The following WWOX variants were observed in gnomAD, a reference collection of about 807,000 sequenced individuals.
The protein encoded by WWOX is WW domain containing oxidoreductase, also known as WW domain-containing oxidoreductase.
A neutral mutation model predicts 46.2 loss-of-function variants in WWOX; 69 were observed. The observed-to-expected ratio is 1.49, with a 90% CI of 1.23 to 1.82. The LOEUF (loss-of-function observed/expected upper bound fraction) is 1.82. Ranked by LOEUF, WWOX falls within the 40% of genes most tolerant of loss-of-function variation. The probability of loss-of-function intolerance (pLI) is 0.00; values close to 1 mark genes in which losing one functional copy is unlikely to be tolerated. For missense variants in WWOX, 919 were observed against 542.6 expected, an observed-to-expected ratio of 1.69 and a Z score of -6.89; for synonymous variants, 359 against 202.6, an observed-to-expected ratio of 1.77 and a Z score of -6.56.
At chr16:78,926,440 A>G (rs1434722340) in intron 8 of WWOX, among the ~76,000 whole-genome samples, 1 of 151,930 alleles carries the variant, frequency 6.6e-6, no homozygotes, top group Non-Finnish European at 1.5e-5. Context: ...ACTGTCTATA[A>G]TTTCTCTTGG....
chr16:78,878,587 G>C (rs2044279340), intron 8 of WWOX, among the ~76,000 whole-genome samples: 1 of 152,156 alleles, frequency 6.6e-6, no homozygotes. Flanking sequence ...TTACAGGGTT[G>C]CTATGAGGAT....
intron 8 of WWOX, among the ~76,000 whole-genome samples, chr16:78,518,354 C>G (rs577853856): frequency 3.3e-5 from 5 of 152,190 alleles, no homozygotes; most frequent in African/African-American, 9.6e-5. Context: ...GCCTCAGCCT[C>G]CCGAGTAGCT....
intron 4 of WWOX, among the ~76,000 whole-genome samples, chr16:78,150,188 G>C (rs1234951301): frequency 6.6e-6 from 1 of 152,048 alleles, no homozygotes; most frequent in Non-Finnish European, 1.5e-5. Flanking sequence ...TAAAACTCAG[G>C]GAAATATTTA....
chr16:78,797,494 C>T (rs181352980), intron 8 of WWOX, among the ~76,000 whole-genome samples: 3 of 152,088 alleles, frequency 2.0e-5, no homozygotes, highest in East Asian at 3.9e-4. Context: ...GTTCTCGAGG[C>T]AGCCTGGAGT....
intron 6 of WWOX, among the ~76,000 whole-genome samples, chr16:78,408,241 C>G (rs72628246): frequency 4.6e-5 from 7 of 152,278 alleles, no homozygotes; most frequent in African/African-American, 1.7e-4. Context: ...TTACATATTC[C>G]TGCCCTTCCC....
chr16:78,803,242 G>GT (rs570602530), intron 8 of WWOX, among the ~76,000 whole-genome samples: 13,905 of 144,772 alleles, frequency 0.096, 740 homozygotes, highest in African/African-American at 0.16. Flanking sequence ...AGAAGTGAGA[G>GT]TTTTTTTTTT....
At chr16:78,132,759 G>A (rs1232760908) in intron 4 of WWOX, among the ~76,000 whole-genome samples, 2 of 152,090 alleles carry the variant, frequency 1.3e-5, no homozygotes, top group East Asian at 1.9e-4. Context: ...CTGTAGCTCT[G>A]GGCTCTTCGA....
chr16:78,836,730 G>A (rs765912765), intron 8 of WWOX, among the ~76,000 whole-genome samples: 2 of 152,146 alleles, frequency 1.3e-5, no homozygotes. Context: ...GATGGTAAGT[G>A]GCAGAGATGA....
chr16:78,757,478 A>C (rs1406453214), intron 8 of WWOX, among the ~76,000 whole-genome samples: 1 of 152,156 alleles, frequency 6.6e-6, no homozygotes, highest in East Asian at 1.9e-4. Context: ...AATACCATCT[A>C]GGACCCTGGC....
intron 8 of WWOX, among the ~76,000 whole-genome samples, chr16:78,563,624 C>T (rs553401755): frequency 1.3e-5 from 2 of 151,320 alleles, no homozygotes; most frequent in Admixed American, 6.6e-5. Context: ...CACCCTGCTG[C>T]CTTTGTGTTG....
intron 5 of WWOX, among the ~76,000 whole-genome samples, chr16:78,287,745 A>G (rs2079793076): frequency 6.6e-6 from 1 of 152,208 alleles, no homozygotes; most frequent in South Asian, 2.1e-4. Context: ...CAAAAAAGTT[A>G]CAGTGTTTTT....
At chr16:78,856,267 C>T (rs564869001) in intron 8 of WWOX, among the ~76,000 whole-genome samples, 9 of 152,260 alleles carry the variant, frequency 5.9e-5, no homozygotes, top group East Asian at 3.9e-4. Context: ...CAGGCCTGGA[C>T]GTTGTTTGTA....
chr16:79,069,508 C>T (rs373814538), intron 8 of WWOX, among the ~76,000 whole-genome samples: 1 of 151,182 alleles, frequency 6.6e-6, no homozygotes. Context: ...TTATTTATCA[C>T]AACCTATTGG....
intron 5 of WWOX, among the ~76,000 whole-genome samples, chr16:78,222,328 G>T (rs2036914109): frequency 7.2e-6 from 1 of 139,412 alleles, no homozygotes; most frequent in African/African-American, 2.7e-5. Context: ...GAGTTTGGCT[G>T]TGACACGACT....
chr16:78,695,107 A>T (rs2548832), intron 8 of WWOX, among the ~76,000 whole-genome samples: 1 of 152,200 alleles, frequency 6.6e-6, no homozygotes, highest in Admixed American at 6.5e-5. Context: ...CCATGTTACT[A>T]CTCGTGGGAT....
chr16:78,681,696 C>T (rs1451227436), intron 8 of WWOX, among the ~76,000 whole-genome samples: 2 of 152,182 alleles, frequency 1.3e-5, no homozygotes, highest in Non-Finnish European at 2.9e-5. Flanking sequence ...TTATCCCCAG[C>T]CCAGCTCTTC....
At chr16:78,100,759 T>TA (rs2031722299) in intron 1 of WWOX, among the ~76,000 whole-genome samples, 1 of 152,232 alleles carries the variant, frequency 6.6e-6, no homozygotes, top group African/African-American at 2.4e-5. Flanking sequence ...GTCTAGTAGG[T>TA]ACTCTCTGTT....
intron 8 of WWOX, among the ~76,000 whole-genome samples, chr16:78,747,852 C>G (rs1356708587): frequency 6.6e-6 from 1 of 152,136 alleles, no homozygotes; most frequent in East Asian, 1.9e-4. Context: ...CAAGGATAAA[C>G]TATAATCTTT....
chr16:78,236,144 A>T (rs1177689784), intron 5 of WWOX, among the ~76,000 whole-genome samples: 1 of 152,240 alleles, frequency 6.6e-6, no homozygotes, highest in African/African-American at 2.4e-5. Flanking sequence ...TTCAGATCAC[A>T]GACTTTGGAT....
Sources: gnomAD v4.1 joint callset for allele counts (sites outside exome capture counted in the v4.1 genomes callset) on GRCh38, gnomAD v4.1.1 for gene constraint, MANE v1.5 for transcripts, NCBI Gene and HGNC (gene_info 2026-07-23, HGNC 2026-07-21) for gene names.